MAP2K4: variants seen among roughly 807,000 people sequenced by gnomAD.
MAP2K4 encodes dual specificity mitogen-activated protein kinase kinase 4.
In MAP2K4, 4 loss-of-function variants were observed where a neutral mutation model predicts 48.5. That is an observed-to-expected ratio of 0.08 (90% CI 0.04 to 0.19). MAP2K4 has a LOEUF of 0.19. MAP2K4 is among the 10% of genes least tolerant of loss of function. MAP2K4 has a pLI of 1.00. For missense variants in MAP2K4, 258 were observed against 493.3 expected (o/e 0.52, Z 4.52); for synonymous variants, 166 against 173.1 (o/e 0.96, Z 0.32).
At chr17:12,091,205 ATTCAAGATT>A (rs1971551356) in intron 3 of MAP2K4, among the ~76,000 whole-genome samples, 1 of 152,224 alleles carries the variant, frequency 6.6e-6, no homozygotes, top group Non-Finnish European at 1.5e-5. Context: ...GCTAAATATT[ATTCAAGATT>A]TTGGTCCATC....
chr17:12,030,067 C>T (rs2151508807), intron 1 of MAP2K4, among the ~76,000 whole-genome samples: 1 of 152,186 alleles, frequency 6.6e-6, no homozygotes, highest in South Asian at 2.1e-4. Context: ...TTGTGCAAGA[C>T]TGTTGCTTGT....
chr17:12,082,475 T>G (rs1335517867), intron 3 of MAP2K4, among the ~76,000 whole-genome samples: 2 of 152,218 alleles, frequency 1.3e-5, no homozygotes, highest in Non-Finnish European at 2.9e-5. Flanking sequence ...GCTAATCATC[T>G]TCCTATTAGT....
rs201586399 is a variant in MAP2K4, at chr17:12,060,752, C to T, written c.218+5761C>T. On this transcript the variant is annotated intron_variant, in intron 2 of 10. Transcript: ENST00000353533. ...GGGTGTGTGTGTGTGTGTGTGCGCGCGTGTGTGTGTGTGGCTGGTTTGGTG... is the reference window on the plus strand; with the variant it reads ...GGGTGTGTGTGTGTGTGTGTGCGCGTGTGTGTGTGTGTGGCTGGTTTGGTG... 4.5e-4 allele frequency among the ~76,000 whole-genome samples: 61 copies of T among 135,240 alleles called. 1 individual carries two copies. Among genetic ancestry groups the T allele is most frequent in the South Asian group, 1.6e-3 (6 of 3,858 alleles). The allele number at this position is 135,240 out of a possible 152,430, so 88.7% of individuals were successfully genotyped here.
Position 12,078,693 on chromosome 17 carries a change from A to G in MAP2K4, c.219-2663A>G, listed in dbSNP as rs934339947. Among the ~76,000 whole-genome samples the G allele has an allele frequency of 5.3e-5, 8 of 152,228 alleles. No individual in the cohort carries two copies. In the East Asian group the frequency reaches 7.7e-4, roughly 15 times the overall value. ...CTTTATTGGTTTGTATTTTTCACCA[A>G]TCTTCTCATTGGGTGTGTTTTCTAC... On this transcript the variant is annotated intron_variant, in intron 2 of 10. Transcript: ENST00000353533.
intron 2 of MAP2K4, chr17:12,069,597 A>G: frequency 2.3e-6 from 1 of 439,986 alleles, no homozygotes; most frequent in Non-Finnish European, 3.1e-6. Context: ...TTTTCTATTT[A>G]GAATGTTTGA....
At chr17:12,029,482 G>A (rs779904456) in intron 1 of MAP2K4, among the ~76,000 whole-genome samples, 2 of 152,078 alleles carry the variant, frequency 1.3e-5, no homozygotes, top group Non-Finnish European at 2.9e-5. Context: ...AAGCCCCAGG[G>A]TACAGATAGT....
chr17:12,103,403 G>A (rs1031191111), intron 4 of MAP2K4, among the ~76,000 whole-genome samples: 22 of 151,658 alleles, frequency 1.5e-4, no homozygotes, highest in African/African-American at 5.1e-4. Flanking sequence ...GACGGGGAGC[G>A]GTGTTCGTTC....
At chr17:12,088,530 A>T (rs1027913127) in intron 3 of MAP2K4, among the ~76,000 whole-genome samples, 11 of 89,508 alleles carry the variant, frequency 1.2e-4, no homozygotes, top group Admixed American at 3.5e-4. Flanking sequence ...GTAATATATA[A>T]TATATATTAA....
At chr17:12,122,334 A>C (rs1378568405) in intron 7 of MAP2K4, among the ~76,000 whole-genome samples, 1 of 152,174 alleles carries the variant, frequency 6.6e-6, no homozygotes. Context: ...TTAATTATTG[A>C]AGCCCTCAAA....
chr17:12,055,786 T>C (rs917391858), intron 2 of MAP2K4, among the ~76,000 whole-genome samples: 1 of 152,218 alleles, frequency 6.6e-6, no homozygotes, highest in African/African-American at 2.4e-5. Flanking sequence ...GGTAGTGTCT[T>C]GCAAAAGAGA....
chr17:12,047,382 G>C (rs1467030998), intron 1 of MAP2K4, among the ~76,000 whole-genome samples: 1 of 152,156 alleles, frequency 6.6e-6, no homozygotes, highest in Non-Finnish European at 1.5e-5. Flanking sequence ...ACTCCTCACA[G>C]TGCCCCTATG....
At chr17:12,118,458 A>T (rs545396886) in intron 7 of MAP2K4, among the ~76,000 whole-genome samples, 3 of 152,288 alleles carry the variant, frequency 2.0e-5, no homozygotes, top group African/African-American at 7.2e-5. Context: ...ATCACTCGGG[A>T]TACCTTTTCT....
Position 12,142,258 on chromosome 17 carries a change from A to G in MAP2K4, c.*998A>G, listed in dbSNP as rs902541481. ...CTAACAGGGAGAAGTAGCTAGTAGC[A>G]ATGTGCCTTGATTGATTAGATAAAG... On this transcript the variant is annotated 3_prime_UTR_variant, in exon 11 of 11. Coordinates refer to ENST00000353533, the MANE Select transcript of MAP2K4 (RefSeq NM_003010.4). The G allele has an allele frequency of 1.7e-5, 4 of 233,448 alleles. No homozygotes were observed. The highest frequency in any genetic ancestry group is 3.4e-5 in the Non-Finnish European group (4 of 117,950). The allele number at this position is 233,448 out of a possible 1,614,324, so 14.5% of individuals were successfully genotyped here. A position where few individuals can be genotyped will look rare whatever the true frequency, so the allele number is the denominator to read the frequency against.
chr17:12,068,769 G>C (rs577813111), intron 2 of MAP2K4, among the ~76,000 whole-genome samples: 2 of 145,606 alleles, frequency 1.4e-5, no homozygotes, highest in Admixed American at 6.9e-5. Context: ...TATATATAGC[G>C]TGTGTGTATA....
At chr17:12,049,444 T>C (rs1044078673) in intron 1 of MAP2K4, among the ~76,000 whole-genome samples, 3 of 152,220 alleles carry the variant, frequency 2.0e-5, no homozygotes, top group African/African-American at 7.2e-5. Flanking sequence ...TCCTTTCGCA[T>C]GTGAGTAGTT....
Position 12,141,155 on chromosome 17 carries a change from C to T in MAP2K4, c.1095C>T (p.Pro365=), listed in dbSNP as rs933019550. The T allele has an allele frequency of 6.2e-7, 1 of 1,608,720 alleles. No homozygotes were observed. The highest frequency in any genetic ancestry group is 1.1e-5 in the South Asian group (1 of 90,908). The change falls in exon 11 of 11, where the codon CCC becomes CCT. Residue 365 remains proline (P), a synonymous_variant. Coordinates refer to ENST00000353533, the MANE Select transcript of MAP2K4 (RefSeq NM_003010.4). The stretch of plus-strand genomic sequence containing the variant: ...TTTCAATTTTCTTGCAGAAACATCC[C>T]TTTATTTTGATGTATGAAGAACGTG... ...RPKYKELLKH[P]FILMYEERAV...
At chr17:12,024,556 A>T (rs144775184) in intron 1 of MAP2K4, among the ~76,000 whole-genome samples, 1 of 152,106 alleles carries the variant, frequency 6.6e-6, no homozygotes, top group African/African-American at 2.4e-5. Flanking sequence ...CAAAATGTAG[A>T]TCTGTTTGCC....
intron 3 of MAP2K4, among the ~76,000 whole-genome samples, chr17:12,085,302 G>T (rs1971323670): frequency 6.6e-6 from 1 of 152,066 alleles, no homozygotes; most frequent in African/African-American, 2.4e-5. Context: ...TAATAAAGCT[G>T]TCATCTCATT....
rs28923236 is a variant in MAP2K4 at position 12,125,407 on chromosome 17, G to A, written c.891+36G>A. ...GCTGATTCAACCTTGCCACAGTAGC[G>A]TAACAATAAGAAATTTAGAAGTGAA... On this transcript the variant is annotated intron_variant, in intron 8 of 10. Transcript: ENST00000353533. 2.4e-4 allele frequency: 370 copies of A among 1,533,286 alleles called. 1 individual carries two copies. The African/African-American group carries it at 3.2e-3, about 13-fold the overall frequency. The allele number at this position is 1,533,286 out of a possible 1,614,324, so 95.0% of individuals were successfully genotyped here.
Sources: gnomAD v4.1 joint callset for allele counts (sites outside exome capture counted in the v4.1 genomes callset) on GRCh38, gnomAD v4.1.1 for gene constraint, MANE v1.5 for transcripts, NCBI Gene and HGNC (gene_info 2026-07-23, HGNC 2026-07-21) for gene names.